AGAP1: variants seen among roughly 807,000 people sequenced by gnomAD.
The protein encoded by AGAP1 is arf-GAP with GTPase, ANK repeat and PH domain-containing protein 1.
AGAP1 carries 29 observed loss-of-function variants against 105.3 expected under a neutral mutation model. The observed-to-expected ratio is 0.28, with a 90% CI of 0.21 to 0.38. The LOEUF (loss-of-function observed/expected upper bound fraction) is 0.38. Among genes scored for constraint, AGAP1 ranks in the 10% least tolerant of loss-of-function variants. AGAP1 has a pLI of 1.00. For synonymous variants in AGAP1, 509 were observed against 485.9 expected (o/e 1.05, Z -0.63); for missense variants, 998 against 1,165.1 (o/e 0.86, Z 2.09).
At position 235,744,352 on chromosome 2, in the gene AGAP1, C is replaced by T. The variant is rs1335285941; in HGVS notation, c.397-346C>T. The stretch of plus-strand genomic sequence containing the variant: ...GGCTCTGGCAGGAGGTGGGTCTGGC[C>T]TTCTGTCTGCGGGGCCGCCTTGGCA... On this transcript the variant is annotated intron_variant, in intron 4 of 17. Transcript: ENST00000304032. The surrounding 1 kb of genome is among the most constrained non-coding windows in gnomAD (Gnocchi z 5.2). 6.6e-6 allele frequency among the ~76,000 whole-genome samples: 1 copy of T among 152,182 alleles called. No homozygotes were observed. The highest frequency in any genetic ancestry group is 1.5e-5 in the Non-Finnish European group (1 of 68,046).
intron 13 of AGAP1, among the ~76,000 whole-genome samples, chr2:235,975,780 A>G (rs1243484935): frequency 1.3e-5 from 2 of 152,076 alleles, no homozygotes; most frequent in African/African-American, 4.8e-5. Context: ...TGAACATTCC[A>G]CCGGCACCTC....
intron 3 of AGAP1, among the ~76,000 whole-genome samples, chr2:235,735,020 G>A (rs1368501888): frequency 1.6e-5 from 2 of 121,428 alleles, no homozygotes; most frequent in Admixed American, 1.5e-4. Context: ...ATCCTGCCGC[G>A]CACTGGCCGT....
rs544510699 is a variant in AGAP1 at position 235,801,074 on chromosome 2, G to A, written c.957+1552G>A. On this transcript the variant is annotated intron_variant, in intron 8 of 17. Transcript: ENST00000304032. The surrounding 1 kb of genome is among the most constrained non-coding windows in gnomAD (Gnocchi z 6.0). ...ATTGGATGCTCATGACTGCGGAGGC[G>A]GTTGCCAGCTGCACACACCCCCTCG... 7.9e-5 allele frequency among the ~76,000 whole-genome samples: 12 copies of A among 152,238 alleles called. No individual in the cohort carries two copies. Among genetic ancestry groups the A allele is most frequent in the African/African-American group, 2.2e-4 (9 of 41,518 alleles).
intron 7 of AGAP1, among the ~76,000 whole-genome samples, chr2:235,798,804 C>G (rs1957358944): frequency 6.9e-6 from 1 of 144,852 alleles, no homozygotes; most frequent in Non-Finnish European, 1.5e-5. Context: ...AGCAGAAGAG[C>G]TAGGCTGCAG....
At position 235,919,272 on chromosome 2, in the gene AGAP1, C is replaced by A. The variant is rs1032158953; in HGVS notation, c.1324+10366C>A. On this transcript the variant is annotated intron_variant, in intron 11 of 17. Transcript: ENST00000304032. This position sits in a 1 kb window ranked among gnomAD's most constrained non-coding sequence, Gnocchi z 4.1. Reference sequence around the variant, plus strand: ...TAGAGTTGAGTCCGTGGCTTCCCTGCTTCCTGCAGTCCTTTCCCACACTGG... The same window carrying A: ...TAGAGTTGAGTCCGTGGCTTCCCTGATTCCTGCAGTCCTTTCCCACACTGG... Among the ~76,000 whole-genome samples, 1 of 152,206 alleles carries A rather than the reference C, an allele frequency of 6.6e-6. No homozygotes were observed. The highest frequency in any genetic ancestry group is 1.9e-4 in the East Asian group (1 of 5,188).
At chr2:235,846,510 T>C (rs1353567008) in intron 9 of AGAP1, among the ~76,000 whole-genome samples, 1 of 151,448 alleles carries the variant, frequency 6.6e-6, no homozygotes, top group Non-Finnish European at 1.5e-5. Context: ...GTTTTTTTTT[T>C]AGTAGAGACG....
At chr2:235,955,972 GA>G (rs766882901) in intron 12 of AGAP1, among the ~76,000 whole-genome samples, 8 of 152,194 alleles carry the variant, frequency 5.3e-5, no homozygotes, top group Non-Finnish European at 1.0e-4. Context: ...ACTTTTCATA[GA>G]AACAGCTAAG....
Position 236,046,052 on chromosome 2 carries a change from G to T in AGAP1, c.1892-3007G>T. On this transcript the variant is annotated intron_variant, in intron 15 of 17. Coordinates refer to ENST00000304032, the MANE Select transcript of AGAP1 (RefSeq NM_001037131.3). The surrounding 1 kb of genome is among the most constrained non-coding windows in gnomAD (Gnocchi z 5.2). ...GGGAGGTAGGAGGGGGTGCACCACGGTCTGAACGAGGGGCCAGCATGAGTG... is the reference window on the plus strand; with the variant it reads ...GGGAGGTAGGAGGGGGTGCACCACGTTCTGAACGAGGGGCCAGCATGAGTG... 2.1e-6 allele frequency: 1 copy of T among 470,812 alleles called. No homozygotes were observed. Among genetic ancestry groups the T allele is most frequent in the Non-Finnish European group, 4.4e-6 (1 of 226,640 alleles). The allele number at this position is 470,812 out of a possible 1,614,324, so 29.2% of individuals were successfully genotyped here. A position where few individuals can be genotyped will look rare whatever the true frequency, so the allele number is the denominator to read the frequency against.
intron 16 of AGAP1, among the ~76,000 whole-genome samples, chr2:236,115,708 G>A (rs1434878853): frequency 6.6e-6 from 1 of 152,200 alleles, no homozygotes; most frequent in East Asian, 1.9e-4. Context: ...ACAAAGCCCA[G>A]TGGCTGCCCC....
intron 16 of AGAP1, among the ~76,000 whole-genome samples, chr2:236,084,234 C>T (rs1423819923): frequency 2.0e-5 from 3 of 151,770 alleles, no homozygotes; most frequent in Non-Finnish European, 4.4e-5. Flanking sequence ...GGGGGGGGGT[C>T]TCTGCGGCCA....
chr2:235,886,304 G>A (rs2050272625), intron 10 of AGAP1, among the ~76,000 whole-genome samples: 1 of 152,240 alleles, frequency 6.6e-6, no homozygotes, highest in Non-Finnish European at 1.5e-5. Context: ...GAGAGCTGAT[G>A]GATGATACAT....
intron 6 of AGAP1, among the ~76,000 whole-genome samples, chr2:235,778,257 C>G (rs1956029514): frequency 6.6e-6 from 1 of 152,184 alleles, no homozygotes; most frequent in Admixed American, 6.5e-5. Flanking sequence ...AGCCCTGGCC[C>G]CAGCCACCAT....
rs953957700 is a variant in AGAP1, at chr2:235,968,771, G to C, written c.1645+148G>C. On this transcript the variant is annotated intron_variant, in intron 13 of 17. Coordinates refer to ENST00000304032, the MANE Select transcript of AGAP1 (RefSeq NM_001037131.3). ...GTGCTTTCTGTTTGCAAGGTGGCAC[G>C]AGAGGGCCCTTGGGACCTTTTCATC... 6.3e-6 allele frequency: 5 copies of C among 790,690 alleles called. No homozygotes were observed. In the East Asian group the frequency reaches 1.5e-4, roughly 24 times the overall value. 49.0% of individuals were successfully genotyped at this position (790,690 alleles called of 1,614,324 possible). A position where few individuals can be genotyped will look rare whatever the true frequency, so the allele number is the denominator to read the frequency against.
intron 12 of AGAP1, among the ~76,000 whole-genome samples, chr2:235,942,941 T>G (rs1240459146): frequency 2.6e-5 from 4 of 152,104 alleles, no homozygotes; most frequent in Non-Finnish European, 5.9e-5. Context: ...AAAATTCATT[T>G]AATTAGCTGG....
chr2:235,669,360 C>G (rs1456591505), intron 1 of AGAP1, among the ~76,000 whole-genome samples: 2 of 152,114 alleles, frequency 1.3e-5, no homozygotes, highest in African/African-American at 4.8e-5. Flanking sequence ...GAGACATGCC[C>G]CTCGTTTTGT....
At position 235,950,887 on chromosome 2, in the gene AGAP1, C is replaced by CTTT. The variant is rs200110792; in HGVS notation, c.1484-17545_1484-17543dup. Reference sequence around the variant, plus strand: ...AAATGTAACTCGGGATCTCCAAGCACTTTTTTTTTTTTTTTTTTTTTTTTT... The same window carrying CTTT: ...AAATGTAACTCGGGATCTCCAAGCACTTTTTTTTTTTTTTTTTTTTTTTTTTTT... On this transcript the variant is annotated intron_variant, in intron 12 of 17. Coordinates refer to ENST00000304032, the MANE Select transcript of AGAP1 (RefSeq NM_001037131.3). Among the ~76,000 whole-genome samples, 823 of 118,100 alleles carry CTTT rather than the reference C, an allele frequency of 7.0e-3. 48 individuals are homozygous for CTTT. Among genetic ancestry groups the CTTT allele is most frequent in the East Asian group, 0.016 (55 of 3,532 alleles). The allele number at this position is 118,100 out of a possible 152,430, so 77.5% of individuals were successfully genotyped here. A position where few individuals can be genotyped will look rare whatever the true frequency, so the allele number is the denominator to read the frequency against.
chr2:235,651,295 A>C (rs566852470), intron 1 of AGAP1, among the ~76,000 whole-genome samples: 1 of 151,782 alleles, frequency 6.6e-6, no homozygotes, highest in Non-Finnish European at 1.5e-5. Context: ...GGATGATGAT[A>C]AACAGGAAGT....
In AGAP1 at chr2:235,566,799, G is replaced by A. The variant is rs1252758309; in HGVS notation, c.163+71950G>A. Among the ~76,000 whole-genome samples, 1 of 152,218 alleles carries A rather than the reference G, an allele frequency of 6.6e-6. No individual in the cohort carries two copies. The highest frequency in any genetic ancestry group is 1.5e-5 in the Non-Finnish European group (1 of 68,038). On this transcript the variant is annotated intron_variant, in intron 1 of 17. Coordinates refer to ENST00000304032, the MANE Select transcript of AGAP1 (RefSeq NM_001037131.3). The surrounding 1 kb of genome is among the most constrained non-coding windows in gnomAD (Gnocchi z 5.2). The stretch of plus-strand genomic sequence containing the variant: ...TTAGTTTCCTGTGGCTGCCGTAACA[G>A]CCACAAACTAGGTGGCTTAAAACAA...
rs1400241741 is a variant in AGAP1, at chr2:235,953,306, T to C, written c.1484-15156T>C. Reference sequence around the variant, plus strand: ...AAAAGTACCCCGATGGTTCCCACAGTTGCCTTCTAACATAACAAAAGGTTA... The same window carrying C: ...AAAAGTACCCCGATGGTTCCCACAGCTGCCTTCTAACATAACAAAAGGTTA... On this transcript the variant is annotated intron_variant, in intron 12 of 17. Coordinates refer to ENST00000304032, the MANE Select transcript of AGAP1 (RefSeq NM_001037131.3). The surrounding 1 kb of genome is among the most constrained non-coding windows in gnomAD (Gnocchi z 5.2). Among the ~76,000 whole-genome samples the C allele has an allele frequency of 1.3e-5, 2 of 152,244 alleles. No homozygotes were observed. The highest frequency in any genetic ancestry group is 4.8e-5 in the African/African-American group (2 of 41,468).
Sources: gnomAD v4.1 joint callset for allele counts (sites outside exome capture counted in the v4.1 genomes callset) on GRCh38, gnomAD v4.1.1 for gene constraint, Gnocchi (gnomAD v3.1) non-coding constraint, MANE v1.5 for transcripts, NCBI Gene and HGNC (gene_info 2026-07-23, HGNC 2026-07-21) for gene names.